Variants in PALLD observed in about 807,000 individuals in gnomAD.
PALLD encodes the protein palladin, cytoskeletal associated protein.
Under a neutral mutation model 123.5 loss-of-function variants are expected in PALLD, and 61 were observed. The observed-to-expected ratio is 0.49, with a 90% CI of 0.40 to 0.61. The LOEUF (loss-of-function observed/expected upper bound fraction) is 0.61. Ranked by LOEUF, PALLD falls within the 20% of genes least tolerant of loss-of-function variation. The pLI is 0.00. For missense variants in PALLD, 1,273 were observed against 1,377.0 expected (o/e 0.92, Z 1.20); for synonymous variants, 465 against 496.4 (o/e 0.94, Z 0.84).
At chr4:168,663,729 CATTT>C (rs1354599109) in intron 2 of PALLD, among the ~76,000 whole-genome samples, 2 of 152,136 alleles carry the variant, frequency 1.3e-5, no homozygotes. Flanking sequence ...TAACCTCATT[CATTT>C]GATAATTGAT....
At chr4:168,534,681 G>T (rs1020217558) in intron 2 of PALLD, among the ~76,000 whole-genome samples, 1 of 152,226 alleles carries the variant, frequency 6.6e-6, no homozygotes, top group African/African-American at 2.4e-5. Flanking sequence ...AATAGCACAT[G>T]TCTGCTTCTA....
intron 10 of PALLD, among the ~76,000 whole-genome samples, chr4:168,821,828 C>T (rs1252397778): frequency 1.4e-5 from 2 of 144,678 alleles, no homozygotes; most frequent in Non-Finnish European, 3.0e-5. Context: ...TGCAGTGAGC[C>T]GACATCGTGC....
At chr4:168,907,336 G>A (rs1041726851) in intron 15 of PALLD, among the ~76,000 whole-genome samples, 6 of 152,170 alleles carry the variant, frequency 3.9e-5, no homozygotes, top group African/African-American at 1.4e-4. Flanking sequence ...CGTTCCCACA[G>A]TACTGTCAGA....
intron 10 of PALLD, among the ~76,000 whole-genome samples, chr4:168,813,303 G>A (rs986345184): frequency 6.6e-6 from 1 of 152,082 alleles, no homozygotes; most frequent in Non-Finnish European, 1.5e-5. Flanking sequence ...TTCCAAGTTA[G>A]TGCTTTTCAC....
At chr4:168,542,212 C>T (rs1399725748) in intron 2 of PALLD, among the ~76,000 whole-genome samples, 1 of 152,006 alleles carries the variant, frequency 6.6e-6, no homozygotes, top group Non-Finnish European at 1.5e-5. Flanking sequence ...AAGACTCTAG[C>T]CTGAGCAGTT....
chr4:168,611,470 C>T (rs1773721516), intron 2 of PALLD, among the ~76,000 whole-genome samples: 1 of 152,204 alleles, frequency 6.6e-6, no homozygotes, highest in African/African-American at 2.4e-5. Context: ...ACCTTCCTCT[C>T]TTCTTCTTGT....
At chr4:168,636,406 G>A (rs1167413051) in intron 2 of PALLD, among the ~76,000 whole-genome samples, 2 of 152,180 alleles carry the variant, frequency 1.3e-5, no homozygotes, top group African/African-American at 4.8e-5. Flanking sequence ...GATCGCTTGA[G>A]CTCAGAAATT....
chr4:168,566,225 G>C (rs971255551), intron 2 of PALLD, among the ~76,000 whole-genome samples: 3 of 124,506 alleles, frequency 2.4e-5, no homozygotes, highest in Non-Finnish European at 5.9e-5. Context: ...TTTAGACCTT[G>C]TTTTAAAGAA....
intron 2 of PALLD, among the ~76,000 whole-genome samples, chr4:168,591,842 G>C (rs1399953544): frequency 1.3e-5 from 2 of 151,982 alleles, no homozygotes; most frequent in Non-Finnish European, 2.9e-5. Flanking sequence ...TGGCCCCCAG[G>C]AAATGTTCAA....
intron 10 of PALLD, among the ~76,000 whole-genome samples, chr4:168,833,398 C>G (rs1427750231): frequency 1.3e-5 from 2 of 152,138 alleles, no homozygotes; most frequent in Non-Finnish European, 1.5e-5. Context: ...GTGCATTCAT[C>G]AACCTGGGAG....
chr4:168,684,825 T>C (rs1781874730), intron 5 of PALLD, among the ~76,000 whole-genome samples: 1 of 152,190 alleles, frequency 6.6e-6, no homozygotes, highest in African/African-American at 2.4e-5. Context: ...CACCATCATC[T>C]TGGGTTAAGA....
At chr4:168,710,219 A>T (rs182714113) in intron 9 of PALLD, among the ~76,000 whole-genome samples, 68 of 152,300 alleles carry the variant, frequency 4.5e-4, no homozygotes, top group African/African-American at 1.5e-3. Context: ...AAATATATGG[A>T]TATTTTCTAA....
rs146009550 is a variant in PALLD at position 168,791,699 on chromosome 4, T to C, written c.1964+79776T>C. ...ACAGCCAAACCATATCAGATCCTGA[T>C]AGATTTTAAGCTTGGTGTTGATTAT... is the stretch of plus-strand genomic sequence containing the variant. On this transcript the variant is annotated intron_variant, in intron 10 of 21. Coordinates refer to ENST00000505667, the MANE Select transcript of PALLD (RefSeq NM_001166108.2). 1.5e-3 allele frequency among the ~76,000 whole-genome samples: 228 copies of C among 152,340 alleles called. 2 individuals are homozygous for C. The East Asian group carries it at 0.024, about 16-fold the overall frequency.
At chr4:168,735,132 G>T (rs574789761) in intron 10 of PALLD, among the ~76,000 whole-genome samples, 1 of 152,176 alleles carries the variant, frequency 6.6e-6, no homozygotes, top group African/African-American at 2.4e-5. Context: ...GATTCTGTTT[G>T]CCCCCTAAAC....
intron 10 of PALLD, among the ~76,000 whole-genome samples, chr4:168,725,376 CT>C (rs1255342698): frequency 1.3e-5 from 2 of 152,014 alleles, no homozygotes; most frequent in South Asian, 4.2e-4. Context: ...TTCCTTGTTT[CT>C]TTGTTAAAAT....
chr4:168,638,531 G>A (rs1438172376), intron 2 of PALLD, among the ~76,000 whole-genome samples: 1 of 152,198 alleles, frequency 6.6e-6, no homozygotes, highest in East Asian at 1.9e-4. Context: ...CATTCTGGCG[G>A]CTATAACGAA....
At chr4:168,760,964 C>T (rs1732744338) in intron 10 of PALLD, among the ~76,000 whole-genome samples, 1 of 152,114 alleles carries the variant, frequency 6.6e-6, no homozygotes, top group South Asian at 2.1e-4. Flanking sequence ...ATAGGAAGTA[C>T]CATCTCAAGG....
intron 10 of PALLD, among the ~76,000 whole-genome samples, chr4:168,828,348 C>T (rs150781456): frequency 1.3e-5 from 2 of 152,206 alleles, no homozygotes; most frequent in South Asian, 2.1e-4. Context: ...GTTAGAAAAG[C>T]GTGATTGAAC....
chr4:168,864,162 C>T lies in PALLD; in HGVS notation c.1965-26760C>T, dbSNP rs529902192. Among the ~76,000 whole-genome samples, 6 of 152,300 alleles carry T rather than the reference C, an allele frequency of 3.9e-5. 1 individual carries two copies. In the South Asian group the frequency reaches 8.3e-4, roughly 21 times the overall value. Reference sequence around the variant, plus strand: ...GAGAGATGAGACTGTGTTACTCAGACATAGAACCACGGGACAGTCAGCTAC... The same window carrying T: ...GAGAGATGAGACTGTGTTACTCAGATATAGAACCACGGGACAGTCAGCTAC... On this transcript the variant is annotated intron_variant, in intron 10 of 21. Coordinates refer to ENST00000505667, the MANE Select transcript of PALLD (RefSeq NM_001166108.2).
Sources: gnomAD v4.1 joint callset for allele counts (sites outside exome capture counted in the v4.1 genomes callset) on GRCh38, gnomAD v4.1.1 for gene constraint, MANE v1.5 for transcripts, NCBI Gene and HGNC (gene_info 2026-07-23, HGNC 2026-07-21) for gene names.